Variants in RIT2 observed in about 807,000 individuals in gnomAD.
RIT2 encodes GTP-binding protein Rit2.
A neutral mutation model predicts 23.7 loss-of-function variants in RIT2; 24 were observed. The observed-to-expected ratio is 1.01, with a 90% CI of 0.73 to 1.43. RIT2 has a LOEUF of 1.43. RIT2 is among the 40% of genes most tolerant of loss of function. The probability of loss-of-function intolerance (pLI) is 0.00; values close to 1 mark genes in which losing one functional copy is unlikely to be tolerated. For missense variants in RIT2, 236 were observed against 266.9 expected, an observed-to-expected ratio of 0.88 and a Z score of 0.81; for synonymous variants, 107 against 91.1, an observed-to-expected ratio of 1.17 and a Z score of -0.99.
intron 4 of RIT2, among the ~76,000 whole-genome samples, chr18:42,802,364 G>A (rs951431773): frequency 6.6e-6 from 1 of 152,074 alleles, no homozygotes; most frequent in African/African-American, 2.4e-5. Context: ...ATTTTGAGTG[G>A]CATAATATAA....
Position 42,743,691 on chromosome 18 carries a change from G to C in RIT2, c.456C>G (p.Ala152=), listed in dbSNP as rs769241989. ...QVSTEEGLSL[A]QEYNCGFFET... ...CAAAAAAACCACAATTATATTCTTG[G>C]GCAAGACTCAAGCCTTCTTCTGTAG... The change falls in exon 5 of 5, where the codon GCC becomes GCG. Residue 152 remains alanine, a synonymous_variant. Coordinates refer to ENST00000326695, the MANE Select transcript of RIT2 (RefSeq NM_002930.4). 6.2e-7 allele frequency: 1 copy of C among 1,613,444 alleles called. No individual in the cohort carries two copies. Among genetic ancestry groups the C allele is most frequent in the Non-Finnish European group, 8.5e-7 (1 of 1,179,700 alleles).
At chr18:42,893,761 AAGAG>A (rs570729977) in intron 4 of RIT2, among the ~76,000 whole-genome samples, 129 of 152,290 alleles carry the variant, frequency 8.5e-4, no homozygotes, top group African/African-American at 2.9e-3. Context: ...GCAAGAAAAA[AAGAG>A]AGAGTCAAAA....
chr18:43,033,816 G>A lies in RIT2; in HGVS notation c.155C>T (p.Thr52Ile). The A allele has an allele frequency of 1.9e-6, 3 of 1,605,872 alleles. No homozygotes were observed. The highest frequency in any genetic ancestry group is 2.6e-6 in the Non-Finnish European group (3 of 1,173,164). The change falls in exon 2 of 5, where the codon ACT becomes ATT. Residue 52 changes from threonine (T) to isoleucine (I), a missense_variant. Transcript: ENST00000326695. Reference protein sequence around the residue: ...SHQFPDYHDPTIEDAYKTQVR... With the variant: ...SHQFPDYHDPIIEDAYKTQVR... ...GAAAGGAAGCTTCCACTTACCTATAGTAGGGTCATGATAATCAGGGAACTG... is the reference window on the plus strand; with the variant it reads ...GAAAGGAAGCTTCCACTTACCTATAATAGGGTCATGATAATCAGGGAACTG...
intron 1 of RIT2, among the ~76,000 whole-genome samples, chr18:43,097,165 C>T (rs1913573343): frequency 6.6e-6 from 1 of 151,866 alleles, no homozygotes; most frequent in African/African-American, 2.4e-5. Context: ...GGTTTGAAAA[C>T]ACCCCTTAGA....
intron 1 of RIT2, among the ~76,000 whole-genome samples, chr18:43,049,933 C>T (rs893927862): frequency 8.4e-5 from 11 of 131,176 alleles, no homozygotes; most frequent in Non-Finnish European, 1.6e-4. Context: ...ACATTTTAAA[C>T]TTTCTTCTGA....
At chr18:43,020,197 A>G (rs1006218888) in intron 2 of RIT2, among the ~76,000 whole-genome samples, 2 of 152,244 alleles carry the variant, frequency 1.3e-5, no homozygotes, top group African/African-American at 4.8e-5. Flanking sequence ...CTTAAAATGC[A>G]TATGAGGCCA....
intron 4 of RIT2, among the ~76,000 whole-genome samples, chr18:42,768,733 A>G (rs1913481756): frequency 6.6e-6 from 1 of 152,082 alleles, no homozygotes; most frequent in South Asian, 2.1e-4. Flanking sequence ...ATATACGACC[A>G]TGCCCAGATT....
chr18:43,043,089 T>C (rs1046140692), intron 1 of RIT2, among the ~76,000 whole-genome samples: 1 of 152,164 alleles, frequency 6.6e-6, no homozygotes, highest in African/African-American at 2.4e-5. Context: ...GAAGACATCA[T>C]TATTTAAAAT....
chr18:42,779,391 C>T (rs1392339916), intron 4 of RIT2, among the ~76,000 whole-genome samples: 2 of 152,162 alleles, frequency 1.3e-5, no homozygotes, highest in Non-Finnish European at 2.9e-5. Context: ...TTAACAAACA[C>T]ATAACCTGAT....
chr18:42,990,231 G>A (rs182115242), intron 2 of RIT2, among the ~76,000 whole-genome samples: 264 of 152,168 alleles, frequency 1.7e-3, no homozygotes, highest in African/African-American at 5.8e-3. Flanking sequence ...TGGCCCCCCA[G>A]TTCAAGCAGT....
At chr18:42,768,103 A>C (rs1913469581) in intron 4 of RIT2, among the ~76,000 whole-genome samples, 1 of 152,066 alleles carries the variant, frequency 6.6e-6, no homozygotes, top group Non-Finnish European at 1.5e-5. Flanking sequence ...ATATAACCTC[A>C]TGAGAATAAA....
chr18:42,802,037 A>G (rs1272077938), intron 4 of RIT2, among the ~76,000 whole-genome samples: 1 of 152,186 alleles, frequency 6.6e-6, no homozygotes, highest in African/African-American at 2.4e-5. Context: ...GACTTATTAA[A>G]AAGATTACAA....
chr18:43,048,036 G>C (rs139845462), intron 1 of RIT2, among the ~76,000 whole-genome samples: 2 of 152,086 alleles, frequency 1.3e-5, no homozygotes, highest in East Asian at 1.9e-4. Context: ...AGGGATCTGC[G>C]ATCTATCAAA....
At chr18:43,106,332 A>C (rs1301616421) in intron 1 of RIT2, among the ~76,000 whole-genome samples, 1 of 152,210 alleles carries the variant, frequency 6.6e-6, no homozygotes, top group African/African-American at 2.4e-5. Flanking sequence ...ATTAAGAGGA[A>C]ATGTGAACTG....
intron 2 of RIT2, among the ~76,000 whole-genome samples, chr18:42,995,964 AT>A (rs1910973603): frequency 6.6e-6 from 1 of 152,148 alleles, no homozygotes; most frequent in African/African-American, 2.4e-5. Context: ...TCCTGGTGCT[AT>A]CCCCAAACTG....
chr18:42,789,087 T>C (rs903633467), intron 4 of RIT2, among the ~76,000 whole-genome samples: 4 of 152,196 alleles, frequency 2.6e-5, no homozygotes, highest in African/African-American at 9.6e-5. Flanking sequence ...CTGGCATATC[T>C]TTACCGTGTG....
chr18:42,782,516 T>C (rs1050082423), intron 4 of RIT2, among the ~76,000 whole-genome samples: 6 of 152,086 alleles, frequency 3.9e-5, no homozygotes, highest in African/African-American at 1.2e-4. Flanking sequence ...GATTAATAGA[T>C]ATATAGATAA....
chr18:42,840,354 A>T (rs934197042), intron 4 of RIT2, among the ~76,000 whole-genome samples: 1 of 152,122 alleles, frequency 6.6e-6, no homozygotes, highest in Admixed American at 6.5e-5. Flanking sequence ...TAGTGTTTTC[A>T]TTTGCTATTT....
intron 4 of RIT2, among the ~76,000 whole-genome samples, chr18:42,904,366 A>G (rs1201262929): frequency 1.3e-5 from 2 of 152,162 alleles, no homozygotes; most frequent in African/African-American, 4.8e-5. Context: ...TGACACTGGA[A>G]TAGGGTCCCA....
Sources: gnomAD v4.1 joint callset for allele counts (sites outside exome capture counted in the v4.1 genomes callset) on GRCh38, gnomAD v4.1.1 for gene constraint, MANE v1.5 for transcripts, NCBI Gene and HGNC (gene_info 2026-07-23, HGNC 2026-07-21) for gene names.